Variants in ACER3 observed in about 807,000 individuals in gnomAD.
The protein encoded by ACER3 is alkCDase 3.
A neutral mutation model predicts 48.9 loss-of-function variants in ACER3; 16 were observed. The ratio of observed to expected loss-of-function variants is 0.33; its 90% CI spans 0.22 to 0.50. ACER3 has a LOEUF of 0.50. ACER3 is among the 20% of genes least tolerant of loss of function. The pLI, the probability that ACER3 is intolerant of heterozygous loss-of-function variation, is 0.98. For missense variants in ACER3, 227 were observed against 326.0 expected, an observed-to-expected ratio of 0.70 and a Z score of 2.34; for synonymous variants, 109 against 107.8, an observed-to-expected ratio of 1.01 and a Z score of -0.07.
intron 1 of ACER3, among the ~76,000 whole-genome samples, chr11:76,918,860 A>C (rs1387609124): frequency 6.6e-6 from 1 of 152,188 alleles, no homozygotes; most frequent in African/African-American, 2.4e-5. Flanking sequence ...GCCTACTCTA[A>C]ATTGTGAAGA....
chr11:76,874,292 T>C (rs1249401199), intron 1 of ACER3, among the ~76,000 whole-genome samples: 2 of 152,140 alleles, frequency 1.3e-5, no homozygotes, highest in African/African-American at 4.8e-5. Context: ...ATAAAAAGAA[T>C]GGTTATGAGA....
chr11:76,918,118 G>A (rs2134765702), intron 1 of ACER3, among the ~76,000 whole-genome samples: 1 of 152,122 alleles, frequency 6.6e-6, no homozygotes, highest in Admixed American at 6.6e-5. Context: ...TTCAGGATAG[G>A]TACCAAAGTT....
intron 1 of ACER3, among the ~76,000 whole-genome samples, chr11:76,893,400 T>A (rs1013237357): frequency 1.3e-5 from 2 of 152,132 alleles, no homozygotes; most frequent in African/African-American, 4.8e-5. Context: ...AGAAAATAAA[T>A]TTTATAATCA....
intron 1 of ACER3, among the ~76,000 whole-genome samples, chr11:76,917,880 GA>G (rs1258719725): frequency 6.7e-6 from 1 of 148,846 alleles, no homozygotes; most frequent in Admixed American, 6.7e-5. Context: ...AAAAAAGAAA[GA>G]AAAGAAAAGA....
intron 4 of ACER3, among the ~76,000 whole-genome samples, chr11:76,980,176 AC>A (rs1158398494): frequency 6.6e-6 from 1 of 152,098 alleles, no homozygotes; most frequent in Non-Finnish European, 1.5e-5. Context: ...ACAAAAAAAA[AC>A]AGGCTCAGGC....
At chr11:76,988,135 A>G (rs1410210069) in intron 5 of ACER3, among the ~76,000 whole-genome samples, 1 of 152,216 alleles carries the variant, frequency 6.6e-6, no homozygotes, top group African/African-American at 2.4e-5. Context: ...AAGGATGAGT[A>G]CAATGAATAT....
At chr11:76,948,539 A>C (rs1002242802) in intron 2 of ACER3, among the ~76,000 whole-genome samples, 11 of 152,136 alleles carry the variant, frequency 7.2e-5, no homozygotes, top group Non-Finnish European at 1.5e-4. Flanking sequence ...ACAGCCATGC[A>C]TGCCCTGGAA....
chr11:76,985,540 T>G (rs1273959732), intron 4 of ACER3, 103 bp from the exon 5 acceptor site: 1 of 673,882 alleles, frequency 1.5e-6, no homozygotes, highest in East Asian at 3.2e-5. Context: ...AAATGATGGA[T>G]ATCACTTATC....
intron 2 of ACER3, among the ~76,000 whole-genome samples, chr11:76,936,200 A>T (rs1382020621): frequency 6.6e-6 from 1 of 152,218 alleles, no homozygotes; most frequent in Non-Finnish European, 1.5e-5. Flanking sequence ...TCGAATTAGA[A>T]TAGTATAGCA....
intron 4 of ACER3, among the ~76,000 whole-genome samples, chr11:76,978,869 A>C (rs1339078641): frequency 6.6e-6 from 1 of 152,206 alleles, no homozygotes; most frequent in African/African-American, 2.4e-5. Flanking sequence ...GGTGTATCTG[A>C]TCAAACCGCA....
rs36108857 is a variant in ACER3, at chr11:76,996,719, C to CT, written c.439-2022dup. On this transcript the variant is annotated intron_variant, in intron 6 of 10. Transcript: ENST00000532485. Reference sequence around the variant, plus strand: ...ACAGGCATGAGCCACCCCACCCAGCCTTTTTTTTTTTTTTTTTTTTTTCTG... The same window carrying CT: ...ACAGGCATGAGCCACCCCACCCAGCCTTTTTTTTTTTTTTTTTTTTTTTCTG... 2.3e-3 allele frequency among the ~76,000 whole-genome samples: 314 copies of CT among 138,648 alleles called. 2 individuals carry two copies. The highest frequency in any genetic ancestry group is 5.9e-3 in the East Asian group (27 of 4,590). 91.0% of individuals were successfully genotyped at this position (138,648 alleles called of 152,430 possible).
chr11:77,017,370 A>G (rs1436887203), intron 9 of ACER3, among the ~76,000 whole-genome samples: 1 of 152,208 alleles, frequency 6.6e-6, no homozygotes, highest in African/African-American at 2.4e-5. Context: ...ATGACTTAAA[A>G]GAAATGGACA....
rs117669212 is a variant in ACER3, at chr11:76,877,549, T to C, written c.103+16470T>C. Among the ~76,000 whole-genome samples, 288 of 152,204 alleles carry C rather than the reference T, an allele frequency of 1.9e-3. 1 individual carries two copies. Among genetic ancestry groups the C allele is most frequent in the Middle Eastern group, 6.8e-3 (2 of 294 alleles). ...CCCCATTTCTTTTTTTAAGCAGATA[T>C]GAGGGCAATCTGTCTTTGTCTCCTG... On this transcript the variant is annotated intron_variant, in intron 1 of 10. Coordinates refer to ENST00000532485, the MANE Select transcript of ACER3 (RefSeq NM_018367.7).
chr11:76,922,964 T>TC (rs1946725194), intron 1 of ACER3, among the ~76,000 whole-genome samples: 2 of 152,170 alleles, frequency 1.3e-5, no homozygotes, highest in South Asian at 4.1e-4. Context: ...ATGAAACTAT[T>TC]CCCAACGATC....
chr11:76,898,995 G>GT (rs955669466), intron 1 of ACER3, among the ~76,000 whole-genome samples: 16 of 149,806 alleles, frequency 1.1e-4, no homozygotes, highest in Admixed American at 8.6e-4. Context: ...CTATTTAAAG[G>GT]TTTTTTCAAC....
intron 2 of ACER3, among the ~76,000 whole-genome samples, chr11:76,934,752 G>GGGGAAACGGGAGAGGGA (rs1565186617): frequency 6.9e-6 from 1 of 145,588 alleles, no homozygotes; most frequent in Non-Finnish European, 1.5e-5. Context: ...GGGAGACCGT[G>GGGGAAACGGGAGAGGGA]GGGAGACGGA....
intron 1 of ACER3, among the ~76,000 whole-genome samples, chr11:76,897,059 G>C (rs1339119047): frequency 6.6e-6 from 1 of 152,122 alleles, no homozygotes; most frequent in African/African-American, 2.4e-5. Context: ...CTGGGCTCAA[G>C]TGATTCTCAT....
In ACER3 at chr11:77,024,609, G is replaced by GAGCA. The variant is rs1227833602; in HGVS notation, c.*4283_*4286dup. 1 of 152,216 alleles carries GAGCA rather than the reference G, an allele frequency of 6.6e-6. No homozygotes were observed. Among genetic ancestry groups the GAGCA allele is most frequent in the African/African-American group, 2.4e-5 (1 of 41,462 alleles). The allele number at this position is 152,216 out of a possible 1,614,324, so 9.4% of individuals were successfully genotyped here. On this transcript the variant is annotated 3_prime_UTR_variant, in exon 11 of 11. Coordinates refer to ENST00000532485, the MANE Select transcript of ACER3 (RefSeq NM_018367.7). ...CACAGTCTTCTCTGATAGGCCAGCAGAGCAGCTAAGGAGAAGACAGATCAT... is the reference window on the plus strand; with the variant it reads ...CACAGTCTTCTCTGATAGGCCAGCAGAGCAAGCAGCTAAGGAGAAGACAGATCAT...
At chr11:76,963,314 C>CAGACAGTTTT (rs111578764) in intron 3 of ACER3, among the ~76,000 whole-genome samples, 86,959 of 150,714 alleles carry the variant, frequency 0.58, 28,474 homozygotes, top group Non-Finnish European at 0.73. Flanking sequence ...GGAAGTTATG[C>CAGACAGTTTT]ATAGATAAGT....
Sources: allele counts gnomAD v4.1 joint callset (sites outside exome capture counted in the v4.1 genomes callset), GRCh38; gene constraint gnomAD v4.1.1; transcripts MANE v1.5; gene names NCBI Gene and HGNC (gene_info 2026-07-23, HGNC 2026-07-21).